Variants in SPIDR observed in about 807,000 individuals in gnomAD.
SPIDR encodes scaffold protein involved in DNA repair.
SPIDR carries 93 observed loss-of-function variants against 104.6 expected under a neutral mutation model. The observed-to-expected ratio is 0.89, with a 90% CI of 0.75 to 1.06. The LOEUF (loss-of-function observed/expected upper bound fraction) is 1.06. Ranked by LOEUF, SPIDR falls within the 50% of genes least tolerant of loss-of-function variation. The pLI, the probability that SPIDR is intolerant of heterozygous loss-of-function variation, is 0.00. For synonymous variants in SPIDR, 431 were observed against 416.9 expected, an observed-to-expected ratio of 1.03 and a Z score of -0.41; for missense variants, 1,154 against 1,111.2, an observed-to-expected ratio of 1.04 and a Z score of -0.55.
chr8:47,385,662 C>T (rs1352914758), intron 5 of SPIDR, among the ~76,000 whole-genome samples: 10 of 152,352 alleles, frequency 6.6e-5, no homozygotes, highest in South Asian at 2.1e-4. Flanking sequence ...GTTTGTATCA[C>T]GTTTCCTTGG....
At chr8:47,492,254 A>C (rs1290460347) in intron 8 of SPIDR, among the ~76,000 whole-genome samples, 1 of 152,152 alleles carries the variant, frequency 6.6e-6, no homozygotes, top group Non-Finnish European at 1.5e-5. Flanking sequence ...CATCTGCCAG[A>C]CACAGACGTG....
At chr8:47,634,762 A>G (rs957831928) in intron 10 of SPIDR, among the ~76,000 whole-genome samples, 9 of 152,180 alleles carry the variant, frequency 5.9e-5, no homozygotes, top group African/African-American at 2.2e-4. Context: ...CAGAGCCTGT[A>G]CCCACACCAT....
At chr8:47,303,473 C>T (rs1331009760) in intron 5 of SPIDR, among the ~76,000 whole-genome samples, 1 of 152,166 alleles carries the variant, frequency 6.6e-6, no homozygotes, top group East Asian at 1.9e-4. Flanking sequence ...GTCCAACACT[C>T]CCCAGTGAGA....
intron 11 of SPIDR, 102 bp downstream of exon 11, chr8:47,674,043 C>T (rs1223759112): frequency 5.6e-6 from 8 of 1,419,664 alleles, no homozygotes; most frequent in Non-Finnish European, 6.6e-6. Flanking sequence ...GGCAATAAAC[C>T]AGGATCCTAG....
intron 8 of SPIDR, among the ~76,000 whole-genome samples, chr8:47,531,927 T>G (rs752216606): frequency 4.6e-5 from 7 of 151,180 alleles, no homozygotes; most frequent in Non-Finnish European, 8.9e-5. Context: ...AGAAAAAGAG[T>G]AGAATACAAT....
intron 1 of SPIDR, among the ~76,000 whole-genome samples, chr8:47,275,444 T>C (rs1480312172): frequency 6.6e-6 from 1 of 152,080 alleles, no homozygotes; most frequent in Non-Finnish European, 1.5e-5. Context: ...TTTACATGGG[T>C]GTGTTGTTTG....
chr8:47,412,827 C>T (rs2063725701), intron 7 of SPIDR, among the ~76,000 whole-genome samples: 1 of 152,146 alleles, frequency 6.6e-6, no homozygotes, highest in South Asian at 2.1e-4. Flanking sequence ...TACTTCCCTC[C>T]ATCTCTAAAT....
At position 47,262,218 on chromosome 8, in the gene SPIDR, C is replaced by G. The variant is rs368621681; in HGVS notation, c.33+1227C>G. Among the ~76,000 whole-genome samples, 26 of 152,306 alleles carry G rather than the reference C, an allele frequency of 1.7e-4. No individual in the cohort carries two copies. The South Asian group carries it at 3.5e-3, about 21-fold the overall frequency. On this transcript the variant is annotated intron_variant, in intron 1 of 19. Coordinates refer to ENST00000297423, the MANE Select transcript of SPIDR (RefSeq NM_001080394.4). Reference sequence around the variant, plus strand: ...TGCATCACATAATCATCATCTCACCCTTAGTCCTCCAGGCCCTAACAGTTT... The same window carrying G: ...TGCATCACATAATCATCATCTCACCGTTAGTCCTCCAGGCCCTAACAGTTT...
At chr8:47,608,603 T>G (rs1338891541) in intron 10 of SPIDR, among the ~76,000 whole-genome samples, 11 of 152,242 alleles carry the variant, frequency 7.2e-5, no homozygotes, top group African/African-American at 2.7e-4. Context: ...CCACATCCAC[T>G]CCAAAATTTG....
At position 47,533,145 on chromosome 8, in the gene SPIDR, A is replaced by G. The variant is rs541971275; in HGVS notation, c.1098-62666A>G. Among the ~76,000 whole-genome samples, 166 of 152,372 alleles carry G rather than the reference A, an allele frequency of 1.1e-3. 3 individuals carry two copies. The highest frequency in any genetic ancestry group is 0.011 in the Admixed American group (162 of 15,308). On this transcript the variant is annotated intron_variant, in intron 8 of 19. Coordinates refer to ENST00000297423, the MANE Select transcript of SPIDR (RefSeq NM_001080394.4). Reference sequence around the variant, plus strand: ...GAATGTACACAATAGAAAAGAAAAAATATTTAAATCAGTAAATCTAAACTT... The same window carrying G: ...GAATGTACACAATAGAAAAGAAAAAGTATTTAAATCAGTAAATCTAAACTT...
At chr8:47,463,583 G>T (rs1157980369) in intron 8 of SPIDR, among the ~76,000 whole-genome samples, 1 of 152,024 alleles carries the variant, frequency 6.6e-6, no homozygotes, top group Middle Eastern at 3.2e-3. Context: ...GAAAACTGGA[G>T]ACCAGTATCC....
Position 47,592,511 on chromosome 8 carries a change from C to T in SPIDR, c.1098-3300C>T, listed in dbSNP as rs2061154272. 2.8e-6 allele frequency: 4 copies of T among 1,408,042 alleles called. No homozygotes were observed. In the Admixed American group the frequency reaches 5.1e-5, roughly 18 times the overall value. The allele number at this position is 1,408,042 out of a possible 1,614,324, so 87.2% of individuals were successfully genotyped here. On this transcript the variant is annotated intron_variant, in intron 8 of 19. Transcript: ENST00000297423. Reference sequence around the variant, plus strand: ...GCCAGCAATGACCACATGAAAATAACAGGCATTGCTCTCATCTGGTTCTGC... The same window carrying T: ...GCCAGCAATGACCACATGAAAATAATAGGCATTGCTCTCATCTGGTTCTGC...
intron 6 of SPIDR, 97 bp downstream of exon 6, chr8:47,396,723 A>C: frequency 7.9e-7 from 1 of 1,271,324 alleles, no homozygotes; most frequent in African/African-American, 1.5e-5. Context: ...TTGTATATGA[A>C]GTCCTAAATT....
At chr8:47,423,229 G>T (rs2065864351) in intron 7 of SPIDR, among the ~76,000 whole-genome samples, 1 of 151,508 alleles carries the variant, frequency 6.6e-6, no homozygotes. Context: ...ACTGGGAGGT[G>T]GAAGTTTCAG....
intron 11 of SPIDR, among the ~76,000 whole-genome samples, chr8:47,697,317 A>C (rs1563576895): frequency 6.6e-6 from 1 of 152,106 alleles, no homozygotes; most frequent in East Asian, 1.9e-4. Context: ...GATAAAAACA[A>C]CACTTATATT....
At chr8:47,473,754 T>C (rs924845657) in intron 8 of SPIDR, among the ~76,000 whole-genome samples, 12 of 152,178 alleles carry the variant, frequency 7.9e-5, no homozygotes, top group Non-Finnish European at 1.2e-4. Context: ...TGTAGCCATA[T>C]AGTCTTCATG....
intron 5 of SPIDR, among the ~76,000 whole-genome samples, chr8:47,355,708 A>G (rs1554625388): frequency 6.6e-6 from 1 of 152,228 alleles, no homozygotes; most frequent in Non-Finnish European, 1.5e-5. Flanking sequence ...GTGAAGTTCG[A>G]ATGGAAGTTA....
intron 8 of SPIDR, among the ~76,000 whole-genome samples, chr8:47,451,121 T>G (rs2071641406): frequency 6.6e-6 from 1 of 152,120 alleles, no homozygotes; most frequent in Non-Finnish European, 1.5e-5. Context: ...GTGAAATCAG[T>G]TGTCTTAAAT....
rs538939852 is a variant in SPIDR, at chr8:47,686,667, A to G, written c.1685+12726A>G. On this transcript the variant is annotated intron_variant, in intron 11 of 19. Transcript: ENST00000297423. ...CACCAAATTCCAAAGTCTGATTTTC[A>G]GTACTACAGCTGACATTTAATTACT... 3.0e-3 allele frequency among the ~76,000 whole-genome samples: 453 copies of G among 152,344 alleles called. 3 individuals carry two copies. Among genetic ancestry groups the G allele is most frequent in the African/African-American group, 0.011 (443 of 41,594 alleles).
Sources: allele counts gnomAD v4.1 joint callset (sites outside exome capture counted in the v4.1 genomes callset), GRCh38; gene constraint gnomAD v4.1.1; transcripts MANE v1.5; gene names NCBI Gene and HGNC (gene_info 2026-07-23, HGNC 2026-07-21).